Variants in FGF9 observed in about 807,000 individuals in gnomAD.
The protein encoded by FGF9 is fibroblast growth factor 9.
FGF9 carries 3 observed loss-of-function variants against 19.9 expected under a neutral mutation model. That is an observed-to-expected ratio of 0.15 (90% CI 0.07 to 0.39). FGF9 has a LOEUF of 0.39. Ranked by LOEUF, FGF9 falls within the 10% of genes least tolerant of loss-of-function variation. FGF9 has a pLI of 1.00. For synonymous variants in FGF9, 107 were observed against 106.9 expected (o/e 1.00, Z -0.01); for missense variants, 175 against 256.8 (o/e 0.68, Z 2.18).
At chr13:21,693,639 T>G (rs959725685) in intron 2 of FGF9, among the ~76,000 whole-genome samples, 2 of 152,136 alleles carry the variant, frequency 1.3e-5, no homozygotes, top group Admixed American at 1.3e-4. Context: ...GGTTTATTGG[T>G]CAAGCCGACA....
chr13:21,682,405 C>G (rs1307592242), intron 2 of FGF9, among the ~76,000 whole-genome samples: 2 of 152,024 alleles, frequency 1.3e-5, no homozygotes, highest in Non-Finnish European at 2.9e-5. Flanking sequence ...TTGGAGTTCT[C>G]AATACACAGA....
chr13:21,682,258 T>C (rs1593093261), intron 2 of FGF9, among the ~76,000 whole-genome samples: 1 of 152,108 alleles, frequency 6.6e-6, no homozygotes, highest in Non-Finnish European at 1.5e-5. Flanking sequence ...AGTGATCCTC[T>C]TGCCTTGGTC....
intron 2 of FGF9, among the ~76,000 whole-genome samples, chr13:21,684,140 T>G (rs1872103879): frequency 1.3e-5 from 2 of 152,268 alleles, no homozygotes; most frequent in Non-Finnish European, 2.9e-5. Flanking sequence ...AATGGAAATA[T>G]TACTTCTTCT....
chr13:21,673,858 C>A (rs1436599331), intron 1 of FGF9: 1 of 150,788 alleles, frequency 6.6e-6, no homozygotes, highest in Non-Finnish European at 1.5e-5. Flanking sequence ...CCCGCTCGGC[C>A]GCCCGGGCCC....
At chr13:21,685,750 T>C (rs1314330087) in intron 2 of FGF9, among the ~76,000 whole-genome samples, 1 of 152,196 alleles carries the variant, frequency 6.6e-6, no homozygotes, top group Non-Finnish European at 1.5e-5. Flanking sequence ...TGTTTTGGCA[T>C]CCCAGAGGAG....
At chr13:21,696,232 G>A (rs1872407579) in intron 2 of FGF9, among the ~76,000 whole-genome samples, 1 of 152,134 alleles carries the variant, frequency 6.6e-6, no homozygotes. Flanking sequence ...GTTTTAATAG[G>A]ATTTGGTAAA....
At chr13:21,680,995 T>TG (rs779293621) in intron 1 of FGF9, 47 bp from the exon 2 acceptor site, 4 of 1,414,010 alleles carry the variant, frequency 2.8e-6, no homozygotes, top group Non-Finnish European at 4.0e-6. Context: ...TCTAAGGACA[T>TG]GCTCTGTGAT....
Position 21,671,570 on chromosome 13 carries a change from A to AT in FGF9, c.-335dup, listed in dbSNP as rs886050042. ...CTCAAACCAAATGGAGAAACTACGG[A>AT]TTTTTTTTCCTTATTACGGTCGGAT... is the stretch of plus-strand genomic sequence containing the variant. On this transcript the variant is annotated 5_prime_UTR_variant, in exon 1 of 3. The change abolishes the stop of an existing upstream ORF in the 5' untranslated region. Coordinates refer to ENST00000382353, the MANE Select transcript of FGF9 (RefSeq NM_002010.3). The AT allele has an allele frequency of 3.6e-5, 18 of 495,792 alleles. No homozygotes were observed. The highest frequency in any genetic ancestry group is 3.3e-4 in the Admixed American group (9 of 27,072). The allele number at this position is 495,792 out of a possible 1,614,324, so 30.7% of individuals were successfully genotyped here.
Position 21,701,787 on chromosome 13 carries a change from G to T in FGF9, c.*352G>T. 3.5e-6 allele frequency: 1 copy of T among 288,772 alleles called. No individual in the cohort carries two copies. Among genetic ancestry groups the T allele is most frequent in the Non-Finnish European group, 6.7e-6 (1 of 148,920 alleles). 17.9% of individuals were successfully genotyped at this position (288,772 alleles called of 1,614,324 possible). A position where few individuals can be genotyped will look rare whatever the true frequency, so the allele number is the denominator to read the frequency against. ...GGCGGAGCGAGAGCAAAAGGACTGC[G>T]GCCTGATGCATGCTGGAAAAAGACA... On this transcript the variant is annotated 3_prime_UTR_variant, in exon 3 of 3. Transcript: ENST00000382353.
rs769804339 is a variant in FGF9, at chr13:21,701,442, C to G, written c.*7C>G. On this transcript the variant is annotated 3_prime_UTR_variant, in exon 3 of 3. Transcript: ENST00000382353. ...TATTCTAAGCCAAAGTTGACAAAGA[C>G]AGTTTCTTCACTTGAGCCCTTAAAA... 1 of 1,613,998 alleles carries G rather than the reference C, an allele frequency of 6.2e-7. No individual in the cohort carries two copies. Among genetic ancestry groups the G allele is most frequent in the South Asian group, 1.1e-5 (1 of 91,076 alleles).
rs537581205 is a variant in FGF9 at position 21,671,138 on chromosome 13, G to A, written c.-775G>A. Among the ~76,000 whole-genome samples the A allele has an allele frequency of 3.3e-5, 5 of 152,192 alleles. No homozygotes were observed. The highest frequency in any genetic ancestry group is 7.4e-5 in the Non-Finnish European group (5 of 68,012). ...TCCGCCCGGCTACAACGCTCCGCGA[G>A]CCGGCGCGGCAACACCTGTTCGCGG... is the stretch of plus-strand genomic sequence containing the variant. On this transcript the variant is annotated 5_prime_UTR_variant, in exon 1 of 3. Transcript: ENST00000382353.
intron 2 of FGF9, among the ~76,000 whole-genome samples, chr13:21,700,820 T>C (rs1186103027): frequency 6.6e-6 from 1 of 152,216 alleles, no homozygotes; most frequent in Non-Finnish European, 1.5e-5. Flanking sequence ...TCTTTAGTGT[T>C]TTAGTCATTA....
At chr13:21,700,689 T>G (rs2138149617) in intron 2 of FGF9, among the ~76,000 whole-genome samples, 1 of 152,342 alleles carries the variant, frequency 6.6e-6, no homozygotes, top group Admixed American at 6.5e-5. Flanking sequence ...TCCCTCCCAG[T>G]GTGGTCACCA....
chr13:21,701,542 C>G lies in FGF9; in HGVS notation c.*107C>G. Reference sequence around the variant, plus strand: ...TGTCATCACATCAGCTCCACTGTTGCCAAACTTTGTCGCATGCATAATGTA... The same window carrying G: ...TGTCATCACATCAGCTCCACTGTTGGCAAACTTTGTCGCATGCATAATGTA... On this transcript the variant is annotated 3_prime_UTR_variant, in exon 3 of 3. Transcript: ENST00000382353. The G allele has an allele frequency of 6.7e-7, 1 of 1,497,554 alleles. No homozygotes were observed. 92.8% of individuals were successfully genotyped at this position (1,497,554 alleles called of 1,614,324 possible).
Position 21,701,200 on chromosome 13 carries a change from C to T in FGF9, c.392C>T (p.Thr131Ile). The T allele has an allele frequency of 6.2e-7, 1 of 1,613,440 alleles. No homozygotes were observed. The highest frequency in any genetic ancestry group is 8.5e-7 in the Non-Finnish European group (1 of 1,179,646). ...TTTTTCTTTTTACAGGAAAAACTAA[C>T]CCAAGAGTGTGTATTCAGAGAACAG... ...KGELYGSEKL[T>I]QECVFREQFE... Residue 131 changes from threonine to isoleucine, a missense_variant, in exon 3 of 3, where the codon ACC becomes ATC. Physicochemically the swap from Thr to Ile is moderately conservative, Grantham distance 89. Around this residue, in one of 3 missense-constraint regions of FGF9, gnomAD observed 101 missense variants for 160.7 expected, o/e 0.63. Transcript: ENST00000382353.
chr13:21,701,739 G>GTGTGTA lies in FGF9; in HGVS notation c.*305_*306insGTGTAT, dbSNP rs1555225300. On this transcript the variant is annotated 3_prime_UTR_variant, in exon 3 of 3. Coordinates refer to ENST00000382353, the MANE Select transcript of FGF9 (RefSeq NM_002010.3). Reference sequence around the variant, plus strand: ...TGTGTGTGTGTGTGTGTGTGTGTGTGTATGTGTGTAGCGGGAGATGTGGGC... The same window carrying GTGTGTA: ...TGTGTGTGTGTGTGTGTGTGTGTGTGTGTGTATATGTGTGTAGCGGGAGATGTGGGC... 5 of 327,908 alleles carry GTGTGTA rather than the reference G, an allele frequency of 1.5e-5. No homozygotes were observed. The highest frequency in any genetic ancestry group is 8.4e-5 in the African/African-American group (4 of 47,340). The allele number at this position is 327,908 out of a possible 1,614,324, so 20.3% of individuals were successfully genotyped here. A position where few individuals can be genotyped will look rare whatever the true frequency, so the allele number is the denominator to read the frequency against.
chr13:21,701,705 G>GTGTT lies in FGF9; in HGVS notation c.*273_*274insTTGT. The GTGTT allele has an allele frequency of 2.2e-6, 1 of 447,278 alleles. No homozygotes were observed. The highest frequency in any genetic ancestry group is 4.1e-6 in the Non-Finnish European group (1 of 245,886). The allele number at this position is 447,278 out of a possible 1,614,324, so 27.7% of individuals were successfully genotyped here. On this transcript the variant is annotated 3_prime_UTR_variant, in exon 3 of 3. Coordinates refer to ENST00000382353, the MANE Select transcript of FGF9 (RefSeq NM_002010.3). ...GAGAGAGACTGAGCGCTAGGAGTGT[G>GTGTT]TGTATGTGTGTGTGTGTGTGTGTGT...
intron 2 of FGF9, among the ~76,000 whole-genome samples, chr13:21,698,664 T>C (rs946095099): frequency 1.3e-5 from 2 of 152,128 alleles, no homozygotes; most frequent in African/African-American, 4.8e-5. Flanking sequence ...AAAACCATTG[T>C]GCTATGGGTG....
At chr13:21,687,135 A>C (rs911566346) in intron 2 of FGF9, among the ~76,000 whole-genome samples, 2 of 152,314 alleles carry the variant, frequency 1.3e-5, no homozygotes, top group Middle Eastern at 3.4e-3. Flanking sequence ...CTGTTTCCAA[A>C]GCACAGAAAG....
Sources: allele counts gnomAD v4.1 joint callset (sites outside exome capture counted in the v4.1 genomes callset), GRCh38; gene constraint gnomAD v4.1.1; regional missense constraint gnomAD v4.1.1; transcripts MANE v1.5; gene names NCBI Gene and HGNC (gene_info 2026-07-23, HGNC 2026-07-21).